The following ALG9 variants were observed in gnomAD, a reference collection of about 807,000 sequenced individuals.
ALG9 encodes ALG9 alpha-1,2-mannosyltransferase.
ALG9 carries 55 observed loss-of-function variants against 81.8 expected under a neutral mutation model. The observed-to-expected ratio is 0.67, with a 90% CI of 0.54 to 0.84. ALG9 has a LOEUF of 0.84. ALG9 is among the 40% of genes least tolerant of loss of function. The pLI is 0.00. For synonymous variants in ALG9, 278 were observed against 274.3 expected (o/e 1.01, Z -0.13); for missense variants, 629 against 745.0 (o/e 0.84, Z 1.81).
downstream of ALG9, chr11:111,778,101 T>TA (rs1945746258): frequency 1.3e-5 from 2 of 152,120 alleles, no homozygotes; most frequent in Non-Finnish European, 2.9e-5. Context: ...GTGCGTTGAG[T>TA]AGAAGGGCTT....
chr11:111,843,335 T>C (rs978693171), intron 9 of ALG9, among the ~76,000 whole-genome samples: 40 of 152,214 alleles, frequency 2.6e-4, no homozygotes, highest in Non-Finnish European at 2.9e-4. Context: ...GTGACCCTTG[T>C]TGAGATTCTG....
At chr11:111,847,256 A>G (rs1317586207) in intron 8 of ALG9, among the ~76,000 whole-genome samples, 3 of 152,122 alleles carry the variant, frequency 2.0e-5, no homozygotes, top group African/African-American at 7.2e-5. Flanking sequence ...AGCAGGACTG[A>G]TAAGACCCCA....
intron 14 of ALG9, among the ~76,000 whole-genome samples, chr11:111,806,667 A>T (rs992171841): frequency 1.3e-5 from 2 of 151,782 alleles, no homozygotes; most frequent in African/African-American, 4.8e-5. Flanking sequence ...TCATGTTTTT[A>T]AAAAATATCA....
intron 10 of ALG9, 79 bp from the exon 11 acceptor site, chr11:111,838,478 GA>G: frequency 7.5e-7 from 1 of 1,336,662 alleles, no homozygotes; most frequent in Non-Finnish European, 1.0e-6. Flanking sequence ...AGCCAAAAAA[GA>G]GGTTCTATTA....
intron 8 of ALG9, 63 bp from the exon 9 acceptor site, chr11:111,844,786 G>C (rs1555127549): frequency 6.4e-7 from 1 of 1,552,934 alleles, no homozygotes. Flanking sequence ...TACGGTGCTT[G>C]ACATATAATG....
At chr11:111,827,519 T>C (rs1953552049) in intron 13 of ALG9, among the ~76,000 whole-genome samples, 1 of 152,102 alleles carries the variant, frequency 6.6e-6, no homozygotes, top group South Asian at 2.1e-4. Context: ...GTTGGATGAA[T>C]GGCTGAATCA....
intron 14 of ALG9, among the ~76,000 whole-genome samples, chr11:111,790,429 G>A (rs1392497559): frequency 6.6e-6 from 1 of 152,102 alleles, no homozygotes; most frequent in Non-Finnish European, 1.5e-5. Context: ...AGGAGTTCAA[G>A]GGCAACCTGG....
intron 8 of ALG9, among the ~76,000 whole-genome samples, chr11:111,850,968 G>A (rs1279651969): frequency 1.3e-5 from 2 of 152,022 alleles, no homozygotes; most frequent in African/African-American, 4.8e-5. Flanking sequence ...ATTAAAGTAG[G>A]CAGAAAGAAG....
chr11:111,820,827 A>T (rs1029514014), intron 13 of ALG9, among the ~76,000 whole-genome samples: 1 of 148,004 alleles, frequency 6.8e-6, no homozygotes, highest in African/African-American at 2.5e-5. Context: ...TCACACCTGT[A>T]ATCCTTTGGG....
At chr11:111,844,846 T>G (rs958799655) in intron 8 of ALG9, 123 bp from the exon 9 acceptor site, 17 of 1,088,622 alleles carry the variant, frequency 1.6e-5, no homozygotes, top group Non-Finnish European at 2.4e-5. Context: ...GGAATGAGAG[T>G]GCACAGCCCA....
rs1565520039 is a variant in ALG9 at position 111,782,803 on chromosome 11, C to T, written c.*3594G>A. The stretch of plus-strand genomic sequence containing the variant: ...TCATATCAGGTTTTCAAGGTTCTTT[C>T]CTAGAACTCCAAAGTTGGAAAAATG... On this transcript the variant is annotated 3_prime_UTR_variant, in exon 15 of 15. Transcript: ENST00000616540. 1 of 152,088 alleles carries T rather than the reference C, an allele frequency of 6.6e-6. No homozygotes were observed. The highest frequency in any genetic ancestry group is 1.5e-5 in the Non-Finnish European group (1 of 68,016). 9.4% of individuals were successfully genotyped at this position (152,088 alleles called of 1,614,324 possible). A position where few individuals can be genotyped will look rare whatever the true frequency, so the allele number is the denominator to read the frequency against.
intron 13 of ALG9, among the ~76,000 whole-genome samples, chr11:111,834,674 C>T (rs2136781491): frequency 1.3e-5 from 2 of 152,228 alleles, no homozygotes; most frequent in Middle Eastern, 3.4e-3. Context: ...TTTTTACTAC[C>T]TCTTCCTAAA....
chr11:111,840,956 A>G, intron 9 of ALG9, 147 bp from the exon 10 acceptor site: 2 of 966,588 alleles, frequency 2.1e-6, no homozygotes, highest in Non-Finnish European at 3.2e-6. Flanking sequence ...ACTTTCTCCA[A>G]TGCCATAAAG....
At chr11:111,809,472 G>C (rs1318968009) in intron 14 of ALG9, 171 bp downstream of exon 14, 13 of 706,258 alleles carry the variant, frequency 1.8e-5, no homozygotes, top group African/African-American at 1.2e-4. Flanking sequence ...AGAGGTTGTG[G>C]GGAGTTGAGA....
intron 14 of ALG9, among the ~76,000 whole-genome samples, chr11:111,792,339 G>C (rs556513720): frequency 6.6e-6 from 1 of 152,250 alleles, no homozygotes; most frequent in Admixed American, 6.5e-5. Flanking sequence ...AACAAATGTT[G>C]GATGGATGGA....
intron 13 of ALG9, among the ~76,000 whole-genome samples, chr11:111,822,360 G>C (rs1439668441): frequency 8.0e-6 from 1 of 125,452 alleles, no homozygotes; most frequent in African/African-American, 3.0e-5. Flanking sequence ...AGTGAGCTGT[G>C]TTCGCACCAC....
chr11:111,871,540 T>A lies in ALG9; in HGVS notation c.-58A>T. The A allele has an allele frequency of 6.5e-7, 1 of 1,534,078 alleles. No individual in the cohort carries two copies. The highest frequency in any genetic ancestry group is 1.2e-5 in the South Asian group (1 of 83,502). On this transcript the variant is annotated 5_prime_UTR_variant, in exon 1 of 15. It removes an upstream start codon present in the reference 5' UTR. Transcript: ENST00000616540. Reference sequence around the variant, plus strand: ...TATGAAGTCGGTGAGCGCGCAGACATAGCTTTGGCTGGCAAACGGTGTCCG... The same window carrying A: ...TATGAAGTCGGTGAGCGCGCAGACAAAGCTTTGGCTGGCAAACGGTGTCCG...
intron 14 of ALG9, among the ~76,000 whole-genome samples, chr11:111,801,344 G>A (rs1225065292): frequency 3.9e-5 from 6 of 152,198 alleles, no homozygotes; most frequent in Non-Finnish European, 2.9e-5. Flanking sequence ...AGAAACTGCT[G>A]TGGCAAAATT....
chr11:111,820,582 C>A (rs1484335523), intron 13 of ALG9, among the ~76,000 whole-genome samples: 4 of 152,198 alleles, frequency 2.6e-5, no homozygotes, highest in African/African-American at 9.7e-5. Context: ...AATTGGGGAT[C>A]AAGTTCCCAA....
Sources: gnomAD v4.1 joint callset for allele counts (sites outside exome capture counted in the v4.1 genomes callset) on GRCh38, gnomAD v4.1.1 for gene constraint, MANE v1.5 for transcripts, NCBI Gene and HGNC (gene_info 2026-07-23, HGNC 2026-07-21) for gene names.